The following DSCAML1 variants were observed in gnomAD, a reference collection of about 807,000 sequenced individuals.
DSCAML1 encodes cell adhesion molecule DSCAML1.
DSCAML1 carries 38 observed loss-of-function variants against 200.5 expected under a neutral mutation model. That is an observed-to-expected ratio of 0.19 (90% CI 0.15 to 0.25). The LOEUF (loss-of-function observed/expected upper bound fraction) is 0.25, where lower values mean the gene tolerates loss of function less well. Among genes scored for constraint, DSCAML1 ranks in the 10% least tolerant of loss-of-function variants. DSCAML1 has a pLI of 1.00. For missense variants in DSCAML1, 2,223 were observed against 2,858.8 expected (o/e 0.78, Z 5.07); for synonymous variants, 1,215 against 1,165.0 (o/e 1.04, Z -0.87).
At chr11:117,809,946 C>T (rs1163312702) in intron 1 of DSCAML1, among the ~76,000 whole-genome samples, 1 of 130,412 alleles carries the variant, frequency 7.7e-6, no homozygotes, top group Non-Finnish European at 1.6e-5. Flanking sequence ...TATTCACATA[C>T]ACACATTCAC....
intron 3 of DSCAML1, among the ~76,000 whole-genome samples, chr11:117,677,872 C>A (rs1489156185): frequency 6.6e-6 from 1 of 152,170 alleles, no homozygotes; most frequent in African/African-American, 2.4e-5. Context: ...AGCCTTGCTC[C>A]AGAGCCCTGA....
At chr11:117,559,682 C>A (rs2050625664) in intron 3 of DSCAML1, among the ~76,000 whole-genome samples, 1 of 152,160 alleles carries the variant, frequency 6.6e-6, no homozygotes, top group African/African-American at 2.4e-5. Flanking sequence ...GGCAGGCAGA[C>A]CCAAGTTTGG....
intron 3 of DSCAML1, among the ~76,000 whole-genome samples, chr11:117,729,795 TGAATA>T (rs2137814743): frequency 6.6e-6 from 1 of 152,126 alleles, no homozygotes; most frequent in South Asian, 2.1e-4. Flanking sequence ...CTAGAACAGG[TGAATA>T]TGTTAGCTTA....
At chr11:117,786,652 G>A (rs1017882499) in intron 1 of DSCAML1, among the ~76,000 whole-genome samples, 2 of 152,126 alleles carry the variant, frequency 1.3e-5, no homozygotes, top group Non-Finnish European at 2.9e-5. Flanking sequence ...GCTCTGAGGT[G>A]TACACTGAAT....
At chr11:117,775,395 C>A (rs930115664) in intron 3 of DSCAML1, among the ~76,000 whole-genome samples, 1 of 152,186 alleles carries the variant, frequency 6.6e-6, no homozygotes, top group African/African-American at 2.4e-5. Flanking sequence ...CCCTCAGAGG[C>A]TCTCCTCCCC....
intron 1 of DSCAML1, among the ~76,000 whole-genome samples, chr11:117,783,472 T>C (rs1455499402): frequency 2.6e-5 from 4 of 152,122 alleles, no homozygotes; most frequent in Non-Finnish European, 5.9e-5. Flanking sequence ...ACTCCAGCAA[T>C]AGTAATAGCC....
At chr11:117,806,039 T>C (rs112690326) in intron 1 of DSCAML1, among the ~76,000 whole-genome samples, 1,737 of 152,312 alleles carry the variant, frequency 0.011, 26 homozygotes, top group African/African-American at 0.039. Flanking sequence ...ACCTCCCTCC[T>C]AGGCCCTGTT....
At position 117,524,552 on chromosome 11, in the gene DSCAML1, C is replaced by T. The variant is rs140760308; in HGVS notation, c.937+253G>A. On this transcript the variant is annotated intron_variant, in intron 5 of 32. Coordinates refer to ENST00000651296, the MANE Select transcript of DSCAML1 (RefSeq NM_020693.4). ...CACTTTCCCATTTTACAGAGAACGG[C>T]ACTGAGCTGATGGTCATGGTTATGT... is the stretch of plus-strand genomic sequence containing the variant. Among the ~76,000 whole-genome samples the T allele has an allele frequency of 4.1e-3, 631 of 152,350 alleles. 2 individuals carry two copies. Among genetic ancestry groups the T allele is most frequent in the Non-Finnish European group, 6.7e-3 (454 of 68,030 alleles).
In DSCAML1 at chr11:117,463,309, A is replaced by G. The variant is rs1592616149; in HGVS notation, c.3265+1633T>C. On this transcript the variant is annotated intron_variant, in intron 17 of 32. Coordinates refer to ENST00000651296, the MANE Select transcript of DSCAML1 (RefSeq NM_020693.4). The surrounding 1 kb of genome is among the most constrained non-coding windows in gnomAD (Gnocchi z 4.0). Reference sequence around the variant, plus strand: ...GCGACTCTTGGTGCTATGATTCCCAAAGGTGCTCCCTGGACAAGCAGCATT... The same window carrying G: ...GCGACTCTTGGTGCTATGATTCCCAGAGGTGCTCCCTGGACAAGCAGCATT... Among the ~76,000 whole-genome samples the G allele has an allele frequency of 6.6e-6, 1 of 151,796 alleles. No homozygotes were observed. Among genetic ancestry groups the G allele is most frequent in the African/African-American group, 2.4e-5 (1 of 41,252 alleles).
At chr11:117,514,876 C>T (rs2049725840) in intron 8 of DSCAML1, among the ~76,000 whole-genome samples, 1 of 152,218 alleles carries the variant, frequency 6.6e-6, no homozygotes, top group African/African-American at 2.4e-5. Context: ...GCCACTGCAC[C>T]CGGCCTTTCT....
At position 117,780,312 on chromosome 11, in the gene DSCAML1, G is replaced by GACAGAAAGAAAGAAAGA. The variant is rs1591503798; in HGVS notation, c.364+180_364+181insTCTTTCTTTCTTTCTGT. On this transcript the variant is annotated intron_variant, in intron 2 of 32. Transcript: ENST00000651296. This position sits in a 1 kb window ranked among gnomAD's most constrained non-coding sequence, Gnocchi z 4.8. ...AGAAAGAAAGAAAGAAAGAGAGAAA[G>GACAGAAAGAAAGAAAGA]GAGAAAGAAAGGTGTCTCTTATGCC... Among the ~76,000 whole-genome samples the GACAGAAAGAAAGAAAGA allele has an allele frequency of 7.0e-6, 1 of 142,708 alleles. No homozygotes were observed. The highest frequency in any genetic ancestry group is 2.1e-4 in the East Asian group (1 of 4,786). 93.6% of individuals were successfully genotyped at this position (142,708 alleles called of 152,430 possible). A position where few individuals can be genotyped will look rare whatever the true frequency, so the allele number is the denominator to read the frequency against.
intron 11 of DSCAML1, among the ~76,000 whole-genome samples, chr11:117,484,905 G>A (rs929669258): frequency 2.3e-5 from 3 of 127,900 alleles, no homozygotes; most frequent in African/African-American, 7.3e-5. Context: ...GTGTGTGTGT[G>A]TGTGTGTGTG....
At chr11:117,443,851 T>G in intron 21 of DSCAML1, 35 bp downstream of exon 21, 2 of 1,545,822 alleles carry the variant, frequency 1.3e-6, no homozygotes, top group South Asian at 2.4e-5. Flanking sequence ...CTTTTGGAAG[T>G]GTTTGCCCCT....
At chr11:117,567,643 G>A (rs1263054611) in intron 3 of DSCAML1, among the ~76,000 whole-genome samples, 4 of 152,222 alleles carry the variant, frequency 2.6e-5, no homozygotes, top group South Asian at 2.1e-4. Context: ...TAAATTCCTC[G>A]ACACATACAC....
intron 3 of DSCAML1, among the ~76,000 whole-genome samples, chr11:117,533,040 TGAGGCAG>T (rs1479997345): frequency 2.0e-5 from 3 of 151,950 alleles, no homozygotes; most frequent in African/African-American, 7.3e-5. Context: ...CTTGGGAGGC[TGAGGCAG>T]GAGGATTGCC....
chr11:117,622,228 G>A (rs1224562272), intron 3 of DSCAML1, among the ~76,000 whole-genome samples: 4 of 152,186 alleles, frequency 2.6e-5, no homozygotes, highest in Non-Finnish European at 5.9e-5. Context: ...TGGAAGCTCT[G>A]CAGACATGAA....
chr11:117,442,098 A>G (rs1303014456), intron 21 of DSCAML1, among the ~76,000 whole-genome samples: 3 of 150,930 alleles, frequency 2.0e-5, no homozygotes, highest in Admixed American at 1.3e-4. Flanking sequence ...ATGTGAGTGC[A>G]TGTTGTGTAT....
At chr11:117,798,390 G>C (rs2055621344), upstream of DSCAML1, among the ~76,000 whole-genome samples, 1 of 152,166 alleles carries the variant, frequency 6.6e-6, no homozygotes, top group Admixed American at 6.5e-5. Context: ...TCACTCCCAG[G>C]TTTTGCCAAA....
At chr11:117,731,145 A>C (rs1228976738) in intron 3 of DSCAML1, among the ~76,000 whole-genome samples, 2 of 152,160 alleles carry the variant, frequency 1.3e-5, no homozygotes, top group African/African-American at 2.4e-5. Flanking sequence ...ATTGTATGGT[A>C]TGTGAATCTC....
Sources: gnomAD v4.1 joint callset for allele counts (sites outside exome capture counted in the v4.1 genomes callset) on GRCh38, gnomAD v4.1.1 for gene constraint, Gnocchi (gnomAD v3.1) non-coding constraint, MANE v1.5 for transcripts, NCBI Gene and HGNC (gene_info 2026-07-23, HGNC 2026-07-21) for gene names.